The following CCDC32 variants were observed in gnomAD, a reference collection of about 807,000 sequenced individuals.
CCDC32 encodes coiled-coil domain containing 32, also known as coiled-coil domain-containing protein 32.
A neutral mutation model predicts 20.1 loss-of-function variants in CCDC32; 9 were observed. That is an observed-to-expected ratio of 0.45 (90% CI 0.27 to 0.78). The LOEUF is 0.78. Among genes scored for constraint, CCDC32 ranks in the 30% least tolerant of loss-of-function variants. The probability of loss-of-function intolerance (pLI) is 0.16; values close to 1 mark genes in which losing one functional copy is unlikely to be tolerated. For missense variants in CCDC32, 204 were observed against 215.5 expected (o/e 0.95, Z 0.33); for synonymous variants, 63 against 79.0 (o/e 0.80, Z 1.07).
At chr15:40,557,982 T>C (rs956637124) in intron 2 of CCDC32, 2 of 152,200 alleles carry the variant, frequency 1.3e-5, no homozygotes, top group Admixed American at 1.3e-4. Context: ...GTGGCCTAGA[T>C]GTTGGAGTCT....
At chr15:40,527,975 G>A (rs1045934191), downstream of CCDC32, among the ~76,000 whole-genome samples, 8 of 152,210 alleles carry the variant, frequency 5.3e-5, no homozygotes, top group African/African-American at 1.9e-4. Context: ...TAGTGTACAA[G>A]AAGGCCCTTT....
chr15:40,557,250 C>A lies in CCDC32; in HGVS notation c.367G>T (p.Glu123Ter). The A allele has an allele frequency of 2.5e-5, 41 of 1,613,974 alleles. No homozygotes were observed. Among genetic ancestry groups the A allele is most frequent in the Non-Finnish European group, 3.5e-5 (41 of 1,179,952 alleles). The change falls in exon 3 of 4, where the codon GAG becomes TAG. Residue 123 changes from glutamate (E) to a stop codon, truncating the protein, a stop_gained. Transcript: ENST00000416810. LOFTEE classifies it high-confidence loss of function. ...GAATCAAGTCCATCCACAAAGAACT[C>A]TGAAGCTAACTTCTCCTGGAGGAAC... ...DRFLQEKLASEFFVDGLDSDE... is the reference protein window; with the variant it reads ...DRFLQEKLAS
chr15:40,538,438 C>T (rs1260735412), downstream of CCDC32: 1 of 152,198 alleles, frequency 6.6e-6, no homozygotes, highest in African/African-American at 2.4e-5. Context: ...GGTCACAGGG[C>T]ACCTGTGGGC....
At chr15:40,552,539 TG>T (rs1358196993), downstream of CCDC32, among the ~76,000 whole-genome samples, 3 of 151,028 alleles carry the variant, frequency 2.0e-5, no homozygotes, top group African/African-American at 7.3e-5. Flanking sequence ...TAAAAATATT[TG>T]TATCACTAAG....
At chr15:40,541,897 G>A (rs1301720956) in intron 3 of CCDC32, among the ~76,000 whole-genome samples, 2 of 152,222 alleles carry the variant, frequency 1.3e-5, no homozygotes, top group East Asian at 3.8e-4. Flanking sequence ...GGAGGGCTCT[G>A]CCTCTGACCA....
chr15:40,532,998 C>T (rs973724188), downstream of CCDC32, among the ~76,000 whole-genome samples: 2 of 152,002 alleles, frequency 1.3e-5, no homozygotes, highest in African/African-American at 4.8e-5. Context: ...AGCCATTGCA[C>T]CTGGCCAATT....
chr15:40,560,830 A>G (rs1890571331), intron 2 of CCDC32, among the ~76,000 whole-genome samples: 1 of 152,212 alleles, frequency 6.6e-6, no homozygotes, highest in Non-Finnish European at 1.5e-5. Context: ...AAGAACTAAG[A>G]GTAAATCTAC....
chr15:40,539,213 C>A (rs947864375), downstream of CCDC32: 5 of 1,528,192 alleles, frequency 3.3e-6, no homozygotes, highest in African/African-American at 4.1e-5. Flanking sequence ...TCTGCACATC[C>A]CTGCCTGGCC....
At chr15:40,532,062 A>C (rs1464554591), downstream of CCDC32, 2 of 445,726 alleles carry the variant, frequency 4.5e-6, no homozygotes, top group African/African-American at 4.0e-5. Context: ...GAAGATGCCA[A>C]CCGTACTTAG....
chr15:40,527,325 C>G (rs139248433), downstream of CCDC32, among the ~76,000 whole-genome samples: 1 of 152,308 alleles, frequency 6.6e-6, no homozygotes, highest in African/African-American at 2.4e-5. Context: ...TGTGGGCCAC[C>G]ATGCCTATCT....
intron 2 of CCDC32, among the ~76,000 whole-genome samples, chr15:40,558,510 T>C (rs182132310): frequency 1.2e-3 from 181 of 152,262 alleles, no homozygotes; most frequent in Admixed American, 2.9e-3. Flanking sequence ...AATCTTCATA[T>C]TGTCTGGCCT....
chr15:40,537,435 C>T (rs979971416), downstream of CCDC32: 3 of 152,250 alleles, frequency 2.0e-5, no homozygotes, highest in African/African-American at 4.8e-5. Context: ...GTCCCAGCCT[C>T]GTGTGGGACC....
downstream of CCDC32, chr15:40,531,588 G>A (rs1246055445): frequency 2.6e-5 from 4 of 152,112 alleles, no homozygotes. Context: ...GCAAGATTGG[G>A]TTTAAATTTT....
chr15:40,533,533 A>T (rs372069935), downstream of CCDC32, among the ~76,000 whole-genome samples: 4 of 151,870 alleles, frequency 2.6e-5, no homozygotes, highest in African/African-American at 9.7e-5. Context: ...TTTAGTAGAG[A>T]CGGAGTTTCA....
chr15:40,549,985 C>T (rs993023708), downstream of CCDC32, among the ~76,000 whole-genome samples: 3 of 152,118 alleles, frequency 2.0e-5, no homozygotes, highest in African/African-American at 4.8e-5. Context: ...CCACAGCTGG[C>T]GGGACGTTTG....
exon 4 of CCDC32, chr15:40,528,742 C>T (rs1268766272): frequency 2.9e-6 from 2 of 701,270 alleles, no homozygotes; most frequent in African/African-American, 1.8e-5. Context: ...TTCCGTCCTC[C>T]TAGCTGGCCT....
chr15:40,552,399 TGAACCCGGGAGGCAGA>T (rs1889920669), downstream of CCDC32, among the ~76,000 whole-genome samples: 1 of 144,842 alleles, frequency 6.9e-6, no homozygotes, highest in Admixed American at 7.4e-5. Context: ...GAGAATTGCT[TGAACCCGGGAGGCAGA>T]GGTTGCGGGG....
chr15:40,544,336 C>G (rs943125019), intron 3 of CCDC32, among the ~76,000 whole-genome samples: 3 of 152,206 alleles, frequency 2.0e-5, no homozygotes, highest in Non-Finnish European at 2.9e-5. Context: ...ACCTCAGCAT[C>G]CCGAGTAGCT....
chr15:40,554,823 C>G (rs919600912), intron 3 of CCDC32, among the ~76,000 whole-genome samples: 8 of 152,162 alleles, frequency 5.3e-5, no homozygotes, highest in Admixed American at 2.0e-4. Flanking sequence ...AGCTATTAGA[C>G]GTTCACAGTA....
Sources: gnomAD v4.1 joint callset for allele counts (sites outside exome capture counted in the v4.1 genomes callset) on GRCh38, gnomAD v4.1.1 for gene constraint, MANE v1.5 for transcripts, NCBI Gene and HGNC (gene_info 2026-07-23, HGNC 2026-07-21) for gene names.